Variants in SEMA3C observed in about 807,000 individuals in gnomAD.
SEMA3C encodes semaphorin-3C.
SEMA3C carries 47 observed loss-of-function variants against 89.4 expected under a neutral mutation model. That is an observed-to-expected ratio of 0.53 (90% CI 0.42 to 0.67). SEMA3C has a LOEUF of 0.67. SEMA3C is among the 30% of genes least tolerant of loss of function. The pLI is 0.00. For synonymous variants in SEMA3C, 310 were observed against 320.2 expected, an observed-to-expected ratio of 0.97 and a Z score of 0.34; for missense variants, 839 against 929.1, an observed-to-expected ratio of 0.90 and a Z score of 1.26.
At chr7:80,816,135 T>C (rs1192482984) in intron 5 of SEMA3C, 1 of 152,156 alleles carries the variant, frequency 6.6e-6, no homozygotes. Flanking sequence ...CAGAAAGCTC[T>C]GAATCAGTCT....
At chr7:80,904,348 C>A (rs1359834149) in intron 2 of SEMA3C, among the ~76,000 whole-genome samples, 1 of 152,118 alleles carries the variant, frequency 6.6e-6, no homozygotes, top group African/African-American at 2.4e-5. Flanking sequence ...GCCTAAATAC[C>A]TTTTCATGTT....
chr7:80,766,291 G>A (rs1160249183), intron 12 of SEMA3C, among the ~76,000 whole-genome samples: 2 of 152,202 alleles, frequency 1.3e-5, no homozygotes, highest in Non-Finnish European at 2.9e-5. Flanking sequence ...ACCAACAGGT[G>A]ATGGTCAGGC....
chr7:80,857,082 T>G (rs80349371), intron 2 of SEMA3C, among the ~76,000 whole-genome samples: 4,831 of 152,160 alleles, frequency 0.032, 173 homozygotes, highest in Middle Eastern at 0.095. Context: ...CCTCACAAAT[T>G]TCATCACCAA....
At chr7:80,870,252 A>G (rs920828634) in intron 2 of SEMA3C, among the ~76,000 whole-genome samples, 2 of 152,194 alleles carry the variant, frequency 1.3e-5, no homozygotes, top group Non-Finnish European at 2.9e-5. Context: ...TCATGTGTCC[A>G]AAGTCCATCT....
chr7:80,749,639 T>G (rs1467953643), intron 16 of SEMA3C, among the ~76,000 whole-genome samples: 1 of 152,222 alleles, frequency 6.6e-6, no homozygotes, highest in Non-Finnish European at 1.5e-5. Flanking sequence ...TTGATGTCTC[T>G]GTGCTTTAGT....
intron 2 of SEMA3C, among the ~76,000 whole-genome samples, chr7:80,872,543 C>T (rs1791087129): frequency 6.6e-6 from 1 of 151,954 alleles, no homozygotes; most frequent in Non-Finnish European, 1.5e-5. Context: ...GTGGCTTACG[C>T]CTGTAATCCC....
At chr7:80,908,227 G>A (rs538467601) in intron 2 of SEMA3C, among the ~76,000 whole-genome samples, 2 of 152,170 alleles carry the variant, frequency 1.3e-5, no homozygotes, top group East Asian at 3.9e-4. Flanking sequence ...ATACTAGGAC[G>A]TTCAACTCCC....
chr7:80,845,296 T>C (rs1163911072), intron 2 of SEMA3C, among the ~76,000 whole-genome samples: 1 of 136,934 alleles, frequency 7.3e-6, no homozygotes, highest in Non-Finnish European at 1.5e-5. Context: ...CTCTGTGTCA[T>C]CTTTCACTTT....
intron 2 of SEMA3C, among the ~76,000 whole-genome samples, chr7:80,833,557 T>TTCTGGTCCA (rs2115839617): frequency 6.6e-6 from 1 of 152,236 alleles, no homozygotes; most frequent in East Asian, 1.9e-4. Flanking sequence ...CTTAAGACCT[T>TTCTGGTCCA]TCTGGTCCAG....
In SEMA3C at chr7:80,789,551, C is replaced by A. The variant is rs760664077; in HGVS notation, c.1132-23G>T. 8.7e-6 allele frequency: 13 copies of A among 1,489,372 alleles called. 1 individual carries two copies. The South Asian group carries it at 1.6e-4, about 19-fold the overall frequency. 92.3% of individuals were successfully genotyped at this position (1,489,372 alleles called of 1,614,324 possible). A position where few individuals can be genotyped will look rare whatever the true frequency, so the allele number is the denominator to read the frequency against. The stretch of plus-strand genomic sequence containing the variant: ...ACACTAGAAAGAAAGTTTTAAAGAA[C>A]CAAGTTAATAAAATAGTTGTCTTGT... On this transcript the variant is annotated intron_variant, in intron 11 of 17. Transcript: ENST00000265361.
At position 80,783,313 on chromosome 7, in the gene SEMA3C, CAAG is replaced by C. The variant is rs557774908; in HGVS notation, c.1354+5990_1354+5992del. Reference sequence around the variant, plus strand: ...TCTCTTTGCTACTCTTCTACATGATCAAGTAGTCATGACACCGTGACTTATCAT... The same window carrying C: ...TCTCTTTGCTACTCTTCTACATGATCTAGTCATGACACCGTGACTTATCAT... On this transcript the variant is annotated intron_variant, in intron 12 of 17. Coordinates refer to ENST00000265361, the MANE Select transcript of SEMA3C (RefSeq NM_006379.5). Among the ~76,000 whole-genome samples, 818 of 152,218 alleles carry C rather than the reference CAAG, an allele frequency of 5.4e-3. 11 individuals are homozygous for C. Among genetic ancestry groups the C allele is most frequent in the African/African-American group, 0.019 (778 of 41,540 alleles).
intron 2 of SEMA3C, among the ~76,000 whole-genome samples, chr7:80,883,500 A>G (rs764975642): frequency 7.9e-5 from 12 of 152,250 alleles, no homozygotes; most frequent in Non-Finnish European, 1.5e-4. Context: ...CTCCTAAGAT[A>G]AAAGTATGGG....
intron 2 of SEMA3C, among the ~76,000 whole-genome samples, chr7:80,872,728 G>A (rs1157850559): frequency 6.8e-6 from 1 of 147,940 alleles, no homozygotes; most frequent in East Asian, 2.0e-4. Flanking sequence ...TTGAACCCAG[G>A]AGGTGGAAAT....
chr7:80,781,971 T>C (rs3807104), intron 12 of SEMA3C, among the ~76,000 whole-genome samples: 2,613 of 152,166 alleles, frequency 0.017, 66 homozygotes, highest in Admixed American at 0.069. Flanking sequence ...TCCAAATATA[T>C]GCAGAATCCA....
chr7:80,810,798 C>T, intron 5 of SEMA3C, 97 bp from the exon 6 acceptor site: 1 of 922,158 alleles, frequency 1.1e-6, no homozygotes, highest in Non-Finnish European at 1.7e-6. Flanking sequence ...AATTAATATG[C>T]TTTCTAGTTG....
intron 14 of SEMA3C, among the ~76,000 whole-genome samples, chr7:80,760,891 T>C (rs1340413974): frequency 2.0e-5 from 3 of 152,218 alleles, no homozygotes; most frequent in African/African-American, 7.2e-5. Context: ...GGAAGCCTAC[T>C]CCATTCTCAC....
chr7:80,757,136 T>TA (rs1447765535), intron 15 of SEMA3C, among the ~76,000 whole-genome samples: 1 of 152,176 alleles, frequency 6.6e-6, no homozygotes, highest in African/African-American at 2.4e-5. Flanking sequence ...TCTGTCAAGG[T>TA]CCTCAAAGGA....
chr7:80,825,687 A>C (rs1370745040), intron 4 of SEMA3C, among the ~76,000 whole-genome samples: 4 of 152,186 alleles, frequency 2.6e-5, no homozygotes, highest in Non-Finnish European at 4.4e-5. Context: ...GAGAAATGCA[A>C]ATCCTTTTGA....
chr7:80,793,292 A>C, intron 11 of SEMA3C: 1 of 229,924 alleles, frequency 4.3e-6, no homozygotes, highest in South Asian at 5.1e-5. Flanking sequence ...TCCTATACTC[A>C]GGTATTCATA....
Sources: allele counts gnomAD v4.1 joint callset (sites outside exome capture counted in the v4.1 genomes callset), GRCh38; gene constraint gnomAD v4.1.1; transcripts MANE v1.5; gene names NCBI Gene and HGNC (gene_info 2026-07-23, HGNC 2026-07-21).